The following AMOTL1 variants were observed in gnomAD, a reference collection of about 807,000 sequenced individuals.
The protein encoded by AMOTL1 is angiomotin-like protein 1.
In AMOTL1, 45 loss-of-function variants were observed where a neutral mutation model predicts 102.9. That is an observed-to-expected ratio of 0.44 (90% confidence interval 0.34 to 0.56). The LOEUF (loss-of-function observed/expected upper bound fraction) is 0.56, where lower values mean the gene tolerates loss of function less well. Ranked by LOEUF, AMOTL1 falls within the 20% of genes least tolerant of loss-of-function variation. The probability of loss-of-function intolerance (pLI) is 0.01; values close to 1 mark genes in which losing one functional copy is unlikely to be tolerated. For synonymous variants in AMOTL1, 481 were observed against 484.7 expected (o/e 0.99, Z 0.10); for missense variants, 1,114 against 1,225.6 (o/e 0.91, Z 1.36).
intron 6 of AMOTL1, among the ~76,000 whole-genome samples, chr11:94,837,415 C>G (rs1282590613): frequency 6.6e-6 from 1 of 152,228 alleles, no homozygotes; most frequent in Non-Finnish European, 1.5e-5. Context: ...TTGGCATGCA[C>G]CTTCTCCAGA....
chr11:94,724,868 G>A (rs117762377), intron 1 of AMOTL1, among the ~76,000 whole-genome samples: 1,982 of 152,188 alleles, frequency 0.013, 30 homozygotes, highest in Non-Finnish European at 0.014. Flanking sequence ...GTTCATATGC[G>A]TTAGAACTAG....
At chr11:94,816,635 C>CA (rs1951771406) in intron 3 of AMOTL1, among the ~76,000 whole-genome samples, 1 of 151,864 alleles carries the variant, frequency 6.6e-6, no homozygotes, top group Non-Finnish European at 1.5e-5. Context: ...TTAAAGTTAT[C>CA]ACATCTGTGT....
chr11:94,851,820 C>T (rs994288984), intron 7 of AMOTL1, among the ~76,000 whole-genome samples: 1 of 152,198 alleles, frequency 6.6e-6, no homozygotes, highest in African/African-American at 2.4e-5. Flanking sequence ...TACTAATCAT[C>T]CTCATCGGGA....
chr11:94,866,698 A>T (rs1473667003), intron 11 of AMOTL1: 1 of 162,242 alleles, frequency 6.2e-6, no homozygotes, highest in African/African-American at 2.5e-5. Context: ...GCTTTACCCC[A>T]TGGGGCGTGG....
intron 3 of AMOTL1, among the ~76,000 whole-genome samples, chr11:94,810,877 C>T (rs1321606052): frequency 6.6e-6 from 1 of 151,416 alleles, no homozygotes; most frequent in African/African-American, 2.4e-5. Flanking sequence ...CACGCGTACA[C>T]ACACATATCT....
intron 9 of AMOTL1, among the ~76,000 whole-genome samples, chr11:94,861,643 T>C (rs1952775966): frequency 6.6e-6 from 1 of 152,170 alleles, no homozygotes. Flanking sequence ...ATGTGAAATA[T>C]AAATGATGAG....
chr11:94,793,065 C>CAT (rs1185527702), intron 1 of AMOTL1, among the ~76,000 whole-genome samples: 3 of 152,036 alleles, frequency 2.0e-5, no homozygotes, highest in African/African-American at 4.8e-5. Flanking sequence ...TACACATATT[C>CAT]ATATATATAT....
intron 2 of AMOTL1, among the ~76,000 whole-genome samples, chr11:94,731,011 CA>C (rs1785310553): frequency 1.3e-5 from 2 of 152,282 alleles, no homozygotes; most frequent in Admixed American, 1.3e-4. Flanking sequence ...CTAAAAACTC[CA>C]TACTGTGACC....
rs1953011372 is a variant in AMOTL1, at chr11:94,872,176, G to C, written c.*1381G>C. The C allele has an allele frequency of 6.6e-6, 1 of 152,122 alleles. No individual in the cohort carries two copies. Among genetic ancestry groups the C allele is most frequent in the African/African-American group, 2.4e-5 (1 of 41,406 alleles). 9.4% of individuals were successfully genotyped at this position (152,122 alleles called of 1,614,324 possible). A position where few individuals can be genotyped will look rare whatever the true frequency, so the allele number is the denominator to read the frequency against. On this transcript the variant is annotated 3_prime_UTR_variant, in exon 13 of 13. Coordinates refer to ENST00000433060, the MANE Select transcript of AMOTL1 (RefSeq NM_130847.3). ...GAAAAGAGGCAGGAGTGTGTTAGGT[G>C]GTGGGTCCATTAGACCTCTGCTGTG...
At chr11:94,851,966 G>A (rs771229496) in intron 7 of AMOTL1, among the ~76,000 whole-genome samples, 30 of 152,220 alleles carry the variant, frequency 2.0e-4, no homozygotes, top group South Asian at 1.0e-3. Context: ...AATGCTGAGC[G>A]CTATTCCAGG....
In AMOTL1 at chr11:94,859,696, G is replaced by A. The variant is rs1213075661; in HGVS notation, c.2116G>A (p.Ala706Thr). ...TIRHFAMNAA[A>T]TAAAERDTTI... ...CCGACACTTTGCCATGAATGCCGCA[G>A]CCACTGCAGCAGCTGAGAGGTGAGA... The change falls in exon 9 of 13, where the codon GCC becomes ACC. Residue 706 changes from alanine (A) to threonine (T), a missense_variant. Physicochemically the swap from Ala to Thr is moderately conservative, Grantham distance 58. Coordinates refer to ENST00000433060, the MANE Select transcript of AMOTL1 (RefSeq NM_130847.3). 1.2e-6 allele frequency: 2 copies of A among 1,610,168 alleles called. No homozygotes were observed. Among genetic ancestry groups the A allele is most frequent in the Non-Finnish European group, 1.7e-6 (2 of 1,177,894 alleles).
chr11:94,707,250 CTGTGTG>C (rs71459746), intron 1 of AMOTL1, among the ~76,000 whole-genome samples: 2 of 71,712 alleles, frequency 2.8e-5, no homozygotes, highest in African/African-American at 8.0e-5. Flanking sequence ...CTCTCTCTCT[CTGTGTG>C]TGTGTGTGTG....
chr11:94,716,198 T>A lies in AMOTL1; in HGVS notation c.-51+9601T>A, dbSNP rs566671677. On this transcript the variant is annotated intron_variant, in intron 1 of 4. Transcript: ENST00000299004. ...TTAAATTCTATTTTCTGCATTTGTT[T>A]CTTTTTTATGACTTCTATTTCTTTG... Among the ~76,000 whole-genome samples, 17 of 152,284 alleles carry A rather than the reference T, an allele frequency of 1.1e-4. No homozygotes were observed. In the East Asian group the frequency reaches 2.7e-3, roughly 24 times the overall value.
At chr11:94,792,381 T>C (rs1289393911) in intron 1 of AMOTL1, among the ~76,000 whole-genome samples, 1 of 152,202 alleles carries the variant, frequency 6.6e-6, no homozygotes, top group African/African-American at 2.4e-5. Flanking sequence ...GACGAGTTAA[T>C]GGTTGCAGCA....
At position 94,850,162 on chromosome 11, in the gene AMOTL1, C is replaced by T. The variant is rs762547909; in HGVS notation, c.1697C>T (p.Ala566Val). 1 of 1,588,646 alleles carries T rather than the reference C, an allele frequency of 6.3e-7. No individual in the cohort carries two copies. Among genetic ancestry groups the T allele is most frequent in the Non-Finnish European group, 8.6e-7 (1 of 1,167,014 alleles). ...GAGAAATTAGAAATGGAGTTAGCAG[C>T]AGTGCGGACTGCAAGTGAGGACCAT... ...EKEKLEMELA[A>V]VRTASEDHRR... Residue 566 changes from alanine to valine, a missense_variant, in exon 7 of 13, where the codon GCA becomes GTA. Transcript: ENST00000433060.
chr11:94,781,632 C>A (rs943372618), intron 1 of AMOTL1, among the ~76,000 whole-genome samples: 3 of 151,978 alleles, frequency 2.0e-5, no homozygotes, highest in African/African-American at 7.2e-5. Context: ...GTCAGGAGAT[C>A]GAGACCATCC....
intron 2 of AMOTL1, among the ~76,000 whole-genome samples, chr11:94,738,585 G>T (rs1395308562): frequency 2.0e-5 from 3 of 152,188 alleles, no homozygotes; most frequent in Non-Finnish European, 4.4e-5. Context: ...ATCATGTTTA[G>T]CTGGGTGTAG....
intron 1 of AMOTL1, among the ~76,000 whole-genome samples, chr11:94,717,428 G>A (rs1178770457): frequency 1.3e-5 from 2 of 150,572 alleles, no homozygotes; most frequent in Non-Finnish European, 3.0e-5. Flanking sequence ...AGAGATCAGT[G>A]GGAAAAAATA....
chr11:94,768,224 GT>G (rs1950880448), upstream of AMOTL1: 23 of 1,136,646 alleles, frequency 2.0e-5, no homozygotes, highest in Non-Finnish European at 2.5e-5. Context: ...GGGGCGGCGG[GT>G]GTCTGCAGAC....
Sources: gnomAD v4.1 joint callset for allele counts (sites outside exome capture counted in the v4.1 genomes callset) on GRCh38, gnomAD v4.1.1 for gene constraint, MANE v1.5 for transcripts, NCBI Gene and HGNC (gene_info 2026-07-23, HGNC 2026-07-21) for gene names.